RALGPS2: variants seen among roughly 807,000 people sequenced by gnomAD.
The protein encoded by RALGPS2 is Ral GEF with PH domain and SH3 binding motif 2, also known as ras-specific guanine nucleotide-releasing factor RalGPS2.
In RALGPS2, 43 loss-of-function variants were observed where a neutral mutation model predicts 86.8. The observed-to-expected ratio is 0.50, with a 90% confidence interval of 0.39 to 0.64. The LOEUF is 0.64. RALGPS2 is among the 30% of genes least tolerant of loss of function. The probability of loss-of-function intolerance (pLI) is 0.00; values close to 1 mark genes in which losing one functional copy is unlikely to be tolerated. For synonymous variants in RALGPS2, 243 were observed against 231.3 expected (o/e 1.05, Z -0.46); for missense variants, 536 against 694.6 (o/e 0.77, Z 2.57).
intron 13 of RALGPS2, 100 bp from the exon 14 acceptor site, chr1:178,889,542 C>G: frequency 2.5e-6 from 2 of 814,106 alleles, no homozygotes. Context: ...ATGCGATTGT[C>G]ATTTTATGAG....
intron 8 of RALGPS2, chr1:178,865,856 C>A: frequency 1.8e-6 from 2 of 1,117,072 alleles, no homozygotes; most frequent in Non-Finnish European, 2.5e-6. Context: ...TCATATTAAT[C>A]TATGTTAAAG....
intron 8 of RALGPS2, among the ~76,000 whole-genome samples, chr1:178,860,962 TAGCC>T (rs1657963930): frequency 6.6e-6 from 1 of 152,144 alleles, no homozygotes; most frequent in Non-Finnish European, 1.5e-5. Context: ...GTAAGGAAAA[TAGCC>T]AGCCTATTTG....
At chr1:178,798,978 A>T (rs1558124568) in intron 4 of RALGPS2, among the ~76,000 whole-genome samples, 2 of 152,176 alleles carry the variant, frequency 1.3e-5, no homozygotes, top group East Asian at 3.9e-4. Context: ...AGCAGCAGAC[A>T]GGCTCCCAGA....
chr1:178,874,261 C>T (rs951384725), intron 8 of RALGPS2, among the ~76,000 whole-genome samples: 1 of 151,982 alleles, frequency 6.6e-6, no homozygotes, highest in African/African-American at 2.4e-5. Context: ...TAGTTTACCC[C>T]AACATATTAA....
chr1:178,818,636 G>A (rs1473392656), intron 6 of RALGPS2, among the ~76,000 whole-genome samples: 1 of 149,312 alleles, frequency 6.7e-6, no homozygotes, highest in African/African-American at 2.6e-5. Flanking sequence ...TGGACACAGA[G>A]CCAACTCTAG....
Position 178,857,197 on chromosome 1 carries a change from G to A in RALGPS2, c.608-20301G>A, listed in dbSNP as rs1022931511. Among the ~76,000 whole-genome samples, 3 of 152,182 alleles carry A rather than the reference G, an allele frequency of 2.0e-5. No individual in the cohort carries two copies. In the East Asian group the frequency reaches 5.8e-4, roughly 29 times the overall value. ...TAGATTATTGCGTGTAATGCAGGTA[G>A]TATATTTGTATACTTACAGTATTCA... On this transcript the variant is annotated intron_variant, in intron 8 of 19. Transcript: ENST00000367635.
chr1:178,819,160 T>G (rs1172432738), intron 6 of RALGPS2, among the ~76,000 whole-genome samples: 1 of 151,902 alleles, frequency 6.6e-6, no homozygotes, highest in Admixed American at 6.6e-5. Flanking sequence ...CTGGTTAATT[T>G]CTGTGTTTTT....
At chr1:178,834,321 A>G (rs1000272064) in intron 8 of RALGPS2, among the ~76,000 whole-genome samples, 18 of 151,828 alleles carry the variant, frequency 1.2e-4, no homozygotes, top group African/African-American at 4.1e-4. Context: ...GGTCCTCCCC[A>G]CCCCCCAGAT....
chr1:178,768,136 T>C (rs1652606548), intron 1 of RALGPS2, among the ~76,000 whole-genome samples: 1 of 152,236 alleles, frequency 6.6e-6, no homozygotes, highest in Non-Finnish European at 1.5e-5. Context: ...TTGGATCTTG[T>C]TGAGCTTCCT....
intron 6 of RALGPS2, among the ~76,000 whole-genome samples, chr1:178,819,374 T>G (rs1655390623): frequency 6.6e-6 from 1 of 152,196 alleles, no homozygotes; most frequent in Admixed American, 6.5e-5. Context: ...GCACTAAGGT[T>G]CACAGCAGGC....
At chr1:178,850,201 T>G (rs983671819) in intron 8 of RALGPS2, 1 of 152,658 alleles carries the variant, frequency 6.6e-6, no homozygotes, top group Non-Finnish European at 1.5e-5. Flanking sequence ...GCACTAATAC[T>G]TGTAAAGCTG....
chr1:178,853,790 A>G (rs369182838), intron 8 of RALGPS2: 31 of 1,554,632 alleles, frequency 2.0e-5, no homozygotes, highest in African/African-American at 1.4e-4. Flanking sequence ...GAATGGTCCT[A>G]TAATTTAAAT....
chr1:178,758,274 T>A (rs1205920648), intron 1 of RALGPS2, among the ~76,000 whole-genome samples: 1 of 152,044 alleles, frequency 6.6e-6, no homozygotes, highest in Non-Finnish European at 1.5e-5. Context: ...TTCTTGGGGG[T>A]ATATAGTAGG....
intron 15 of RALGPS2, 131 bp downstream of exon 15, chr1:178,892,438 G>T: frequency 1.4e-6 from 1 of 705,520 alleles, no homozygotes; most frequent in Admixed American, 3.0e-5. Context: ...AAATTACCTA[G>T]AAAAACTTTC....
At position 178,853,006 on chromosome 1, in the gene RALGPS2, C is replaced by T; in HGVS notation, c.607+19456C>T. 3.2e-6 allele frequency: 5 copies of T among 1,543,456 alleles called. No individual in the cohort carries two copies. The South Asian group carries it at 6.4e-5, about 20-fold the overall frequency. On this transcript the variant is annotated intron_variant, in intron 8 of 19. Coordinates refer to ENST00000367635, the MANE Select transcript of RALGPS2 (RefSeq NM_152663.5). ...CATAAATAAGTATAGAGATAGTAAA[C>T]ATTTTTACAGAGCAGTGTTAAACAT... is the stretch of plus-strand genomic sequence containing the variant.
intron 6 of RALGPS2, among the ~76,000 whole-genome samples, chr1:178,816,463 A>C (rs1351425354): frequency 1.3e-5 from 2 of 152,006 alleles, no homozygotes; most frequent in African/African-American, 2.4e-5. Context: ...GGATTTTTTT[A>C]ATGTATTCTG....
intron 1 of RALGPS2, chr1:178,746,621 T>G (rs1207279515): frequency 5.3e-6 from 4 of 747,712 alleles, no homozygotes; most frequent in Non-Finnish European, 1.0e-5. Context: ...GGGCTTCAGG[T>G]CTTGATTTGC....
At chr1:178,783,841 A>G (rs1653514837) in intron 2 of RALGPS2, among the ~76,000 whole-genome samples, 1 of 152,174 alleles carries the variant, frequency 6.6e-6, no homozygotes, top group Non-Finnish European at 1.5e-5. Context: ...CATTCTATGT[A>G]TAGCCACAAC....
Position 178,871,582 on chromosome 1 carries a change from T to C in RALGPS2, c.608-5916T>C, listed in dbSNP as rs543615080. The stretch of plus-strand genomic sequence containing the variant: ...AACTTGATGTTGTTGTAGTATGTTA[T>C]GTCTTACTGTGTAATGTGTCTTAAG... On this transcript the variant is annotated intron_variant, in intron 8 of 19. Transcript: ENST00000367635. 2.0e-5 allele frequency among the ~76,000 whole-genome samples: 3 copies of C among 152,350 alleles called. No homozygotes were observed. The East Asian group carries it at 5.8e-4, about 29-fold the overall frequency.
Sources: gnomAD v4.1 joint callset for allele counts (sites outside exome capture counted in the v4.1 genomes callset) on GRCh38, gnomAD v4.1.1 for gene constraint, MANE v1.5 for transcripts, NCBI Gene and HGNC (gene_info 2026-07-23, HGNC 2026-07-21) for gene names.